The following RIMKLA variants were observed in gnomAD, a reference collection of about 807,000 sequenced individuals.
The protein encoded by RIMKLA is ribosomal modification protein rimK like family member A.
A neutral mutation model predicts 32.7 loss-of-function variants in RIMKLA; 14 were observed. That is an observed-to-expected ratio of 0.43 (90% CI 0.28 to 0.67). The LOEUF (loss-of-function observed/expected upper bound fraction) is 0.67. Among genes scored for constraint, RIMKLA ranks in the 30% least tolerant of loss-of-function variants. The pLI is 0.18. For synonymous variants in RIMKLA, 176 were observed against 204.1 expected (o/e 0.86, Z 1.18); for missense variants, 410 against 519.0 (o/e 0.79, Z 2.04).
intron 4 of RIMKLA, among the ~76,000 whole-genome samples, chr1:42,411,327 C>A (rs1343695097): frequency 2.1e-5 from 3 of 145,976 alleles, no homozygotes; most frequent in Non-Finnish European, 4.4e-5. Flanking sequence ...AGAGTGAGAC[C>A]CTATCTCTTA....
intron 1 of RIMKLA, among the ~76,000 whole-genome samples, chr1:42,398,794 C>G (rs1442222553): frequency 6.6e-6 from 1 of 151,830 alleles, no homozygotes; most frequent in East Asian, 1.9e-4. Flanking sequence ...TGGCGAAACC[C>G]CATCTCTACA....
rs190409970 is a variant in RIMKLA at position 42,389,674 on chromosome 1, C to T, written c.163+8577C>T. Among the ~76,000 whole-genome samples, 308 of 151,964 alleles carry T rather than the reference C, an allele frequency of 2.0e-3. 1 individual carries two copies. The highest frequency in any genetic ancestry group is 7.0e-3 in the African/African-American group (291 of 41,438). Reference sequence around the variant, plus strand: ...TAAAAAATAAAAAAATTTAGCCGGGCGTGGTGGTGCGCGCCCATAATCCCA... The same window carrying T: ...TAAAAAATAAAAAAATTTAGCCGGGTGTGGTGGTGCGCGCCCATAATCCCA... On this transcript the variant is annotated intron_variant, in intron 1 of 4. Transcript: ENST00000431473.
chr1:42,401,977 CGAAAAGAA>C (rs1557755156), intron 2 of RIMKLA, among the ~76,000 whole-genome samples: 1 of 152,098 alleles, frequency 6.6e-6, no homozygotes, highest in Non-Finnish European at 1.5e-5. Flanking sequence ...CTTACTGCAT[CGAAAAGAA>C]AGGAAGGAAG....
At chr1:42,414,035 C>T (rs1221709352) in intron 4 of RIMKLA, among the ~76,000 whole-genome samples, 3 of 151,638 alleles carry the variant, frequency 2.0e-5, no homozygotes, top group African/African-American at 7.3e-5. Flanking sequence ...GGATTACAGG[C>T]GTGAGTCACT....
intron 1 of RIMKLA, among the ~76,000 whole-genome samples, chr1:42,389,805 C>T (rs1413762953): frequency 1.4e-5 from 2 of 147,202 alleles, no homozygotes; most frequent in African/African-American, 5.0e-5. Flanking sequence ...CAGAGCGAGA[C>T]GCCATCTCAA....
intron 1 of RIMKLA, among the ~76,000 whole-genome samples, chr1:42,384,160 A>G (rs1642914728): frequency 6.6e-6 from 1 of 152,144 alleles, no homozygotes; most frequent in Non-Finnish European, 1.5e-5. Context: ...GTTTCAGGTT[A>G]TATCTGGAAG....
rs897943492 is a variant in RIMKLA, at chr1:42,421,220, G to C, written c.*6246G>C. ...AGAGACTGCCTCAGACAACTGGGGG[G>C]CTGGAAAGCCGACCTGGAAAGCAGC... On this transcript the variant is annotated 3_prime_UTR_variant, in exon 5 of 5. Transcript: ENST00000431473. This position sits in a 1 kb window ranked among gnomAD's most constrained non-coding sequence, Gnocchi z 4.6. The C allele has an allele frequency of 6.6e-6, 1 of 152,300 alleles. No individual in the cohort carries two copies. The highest frequency in any genetic ancestry group is 6.5e-5 in the Admixed American group (1 of 15,290). 9.4% of individuals were successfully genotyped at this position (152,300 alleles called of 1,614,324 possible). A position where few individuals can be genotyped will look rare whatever the true frequency, so the allele number is the denominator to read the frequency against.
chr1:42,384,500 C>T (rs919089804), intron 1 of RIMKLA, among the ~76,000 whole-genome samples: 86 of 145,826 alleles, frequency 5.9e-4, no homozygotes, highest in Middle Eastern at 3.8e-3. Context: ...TATATATATA[C>T]ATGTATATAT....
intron 2 of RIMKLA, among the ~76,000 whole-genome samples, chr1:42,400,660 G>T (rs75358765): frequency 0.16 from 24,449 of 152,152 alleles, 2,057 homozygotes; most frequent in East Asian, 0.22. Context: ...AAGCTGATTT[G>T]TGGGTAGGGG....
intron 1 of RIMKLA, among the ~76,000 whole-genome samples, chr1:42,390,199 A>G (rs4073235): frequency 0.62 from 93,590 of 151,828 alleles, 29,271 homozygotes; most frequent in African/African-American, 0.68. Flanking sequence ...CACCACACTC[A>G]GCTATTTTCT....
At chr1:42,413,223 C>T (rs970228219) in intron 4 of RIMKLA, among the ~76,000 whole-genome samples, 6 of 151,442 alleles carry the variant, frequency 4.0e-5, no homozygotes, top group Admixed American at 6.6e-5. Flanking sequence ...AAAATATGGC[C>T]GGGCGCAGTG....
chr1:42,413,127 C>G (rs764541366), intron 4 of RIMKLA, among the ~76,000 whole-genome samples: 1 of 151,664 alleles, frequency 6.6e-6, no homozygotes, highest in Non-Finnish European at 1.5e-5. Flanking sequence ...GAGTGAGACT[C>G]TGTCTCAAAT....
At position 42,410,163 on chromosome 1, in the gene RIMKLA, C is replaced by T. The variant is rs375631796; in HGVS notation, c.661C>T (p.Arg221Trp). 14 of 1,613,916 alleles carry T rather than the reference C, an allele frequency of 8.7e-6. No individual in the cohort carries two copies. The highest frequency in any genetic ancestry group is 4.5e-5 in the East Asian group (2 of 44,890). Residue 221 changes from arginine to tryptophan, a missense_variant, in exon 4 of 5, where the codon CGG becomes TGG. Transcript: ENST00000431473. ...GSMLRCSTDGRMQSNCSLGGV... is the reference protein window; with the variant it reads ...GSMLRCSTDGWMQSNCSLGGV... ...TATGCTTCGCTGCTCCACTGATGGA[C>T]GGATGCAGAGCAACTGCTCTCTCGG...
At chr1:42,385,842 T>C (rs7536621) in intron 1 of RIMKLA, among the ~76,000 whole-genome samples, 5,375 of 63,484 alleles carry the variant, frequency 0.085, 929 homozygotes, top group Non-Finnish European at 0.11. Context: ...CTTTCTTTCT[T>C]TCTCTTTCTT....
intron 1 of RIMKLA, among the ~76,000 whole-genome samples, chr1:42,389,609 C>T (rs967255104): frequency 4.6e-5 from 7 of 151,930 alleles, no homozygotes; most frequent in Admixed American, 3.3e-4. Flanking sequence ...GTCAGGAGTT[C>T]GAGACCGGCC....
chr1:42,396,866 G>A (rs547060365), intron 1 of RIMKLA, among the ~76,000 whole-genome samples: 2 of 152,256 alleles, frequency 1.3e-5, no homozygotes, highest in South Asian at 4.1e-4. Context: ...GTTGTCCTGG[G>A]TGTTCTGTAT....
rs1267266487 is a variant in RIMKLA at position 42,421,168 on chromosome 1, G to T, written c.*6194G>T. 6.6e-6 allele frequency: 1 copy of T among 152,234 alleles called. No homozygotes were observed. Among genetic ancestry groups the T allele is most frequent in the African/African-American group, 2.4e-5 (1 of 41,444 alleles). The allele number at this position is 152,234 out of a possible 1,614,324, so 9.4% of individuals were successfully genotyped here. A position where few individuals can be genotyped will look rare whatever the true frequency, so the allele number is the denominator to read the frequency against. On this transcript the variant is annotated 3_prime_UTR_variant, in exon 5 of 5. Transcript: ENST00000431473. The surrounding 1 kb of genome is among the most constrained non-coding windows in gnomAD (Gnocchi z 4.6). ...ACGCTATGTGCAAGATCTAGCGAAC[G>T]TATTTGGCTAAGAAAAATCCTGGAG...
At position 42,415,197 on chromosome 1, in the gene RIMKLA, A is replaced by G. The variant is rs530727374; in HGVS notation, c.*223A>G. 2 of 500,536 alleles carry G rather than the reference A, an allele frequency of 4.0e-6. No individual in the cohort carries two copies. The highest frequency in any genetic ancestry group is 2.8e-5 in the South Asian group (1 of 36,062). 31.0% of individuals were successfully genotyped at this position (500,536 alleles called of 1,614,324 possible). A position where few individuals can be genotyped will look rare whatever the true frequency, so the allele number is the denominator to read the frequency against. On this transcript the variant is annotated 3_prime_UTR_variant, in exon 5 of 5. Transcript: ENST00000431473. ...AAGAACAACGTCCCGACTGATCAGT[A>G]TGAGACTGATGTCTGCTGTGAGCAC... is the stretch of plus-strand genomic sequence containing the variant.
chr1:42,405,067 T>G (rs1385794366), intron 3 of RIMKLA, among the ~76,000 whole-genome samples: 1 of 152,176 alleles, frequency 6.6e-6, no homozygotes, highest in Non-Finnish European at 1.5e-5. Flanking sequence ...ATTCACCAAG[T>G]AGACCGTGCA....
Sources: allele counts gnomAD v4.1 joint callset (sites outside exome capture counted in the v4.1 genomes callset), GRCh38; gene constraint gnomAD v4.1.1; non-coding constraint Gnocchi (gnomAD v3.1); transcripts MANE v1.5; gene names NCBI Gene and HGNC (gene_info 2026-07-23, HGNC 2026-07-21).